Variants in CEP112 observed in about 807,000 individuals in gnomAD.
CEP112 encodes centrosomal protein of 112 kDa.
CEP112 carries 127 observed loss-of-function variants against 153.0 expected under a neutral mutation model. The ratio of observed to expected loss-of-function variants is 0.83; its 90% CI spans 0.72 to 0.96. The LOEUF is 0.96. Among genes scored for constraint, CEP112 ranks in the 40% least tolerant of loss-of-function variants. CEP112 has a pLI of 0.00. For missense variants in CEP112, 1,089 were observed against 1,101.2 expected, an observed-to-expected ratio of 0.99 and a Z score of 0.16; for synonymous variants, 358 against 374.4, an observed-to-expected ratio of 0.96 and a Z score of 0.51.
intron 8 of CEP112, among the ~76,000 whole-genome samples, chr17:66,085,979 C>CAA (rs373315539): frequency 0.013 from 1,385 of 108,972 alleles, 53 homozygotes; most frequent in African/African-American, 0.022. Context: ...GACTCCGTCT[C>CAA]AAAAAAAAAA....
intron 4 of CEP112, among the ~76,000 whole-genome samples, chr17:66,174,252 T>C (rs919959897): frequency 6.6e-6 from 1 of 152,180 alleles, no homozygotes; most frequent in African/African-American, 2.4e-5. Context: ...GACCATAATA[T>C]CTCAGGTCTG....
intron 12 of CEP112, among the ~76,000 whole-genome samples, chr17:66,045,849 T>C (rs1437213967): frequency 6.6e-6 from 1 of 151,980 alleles, no homozygotes; most frequent in East Asian, 2.0e-4. Flanking sequence ...ACTCTTTTAG[T>C]AGATCCACAA....
At chr17:66,038,110 A>G (rs201304196) in intron 12 of CEP112, among the ~76,000 whole-genome samples, 5 of 120,650 alleles carry the variant, frequency 4.1e-5, no homozygotes, top group Admixed American at 8.1e-5. Context: ...CAAAAAAAAA[A>G]AAAAGAAAAG....
At chr17:66,082,625 T>C (rs952213563) in intron 8 of CEP112, among the ~76,000 whole-genome samples, 1 of 152,028 alleles carries the variant, frequency 6.6e-6, no homozygotes, top group Non-Finnish European at 1.5e-5. Flanking sequence ...TAGCCAGATG[T>C]CATGGCGTGT....
chr17:66,176,216 A>T (rs545333458), intron 3 of CEP112, among the ~76,000 whole-genome samples: 28 of 152,334 alleles, frequency 1.8e-4, no homozygotes, highest in Middle Eastern at 3.4e-3. Flanking sequence ...AAAGCTACCA[A>T]TACCTAGTAC....
chr17:65,871,734 C>G (rs544561367), intron 20 of CEP112, among the ~76,000 whole-genome samples: 1 of 152,348 alleles, frequency 6.6e-6, no homozygotes, highest in Non-Finnish European at 1.5e-5. Flanking sequence ...ATCTCCAGGA[C>G]AGCAACATAG....
chr17:65,656,569 A>G (rs1037412602), intron 24 of CEP112, among the ~76,000 whole-genome samples: 2 of 152,246 alleles, frequency 1.3e-5, no homozygotes, highest in Non-Finnish European at 2.9e-5. Flanking sequence ...GAACACAGCC[A>G]TGCTCATTTG....
intron 20 of CEP112, among the ~76,000 whole-genome samples, chr17:65,861,838 C>T (rs926330158): frequency 6.6e-6 from 1 of 152,170 alleles, no homozygotes; most frequent in Admixed American, 6.5e-5. Flanking sequence ...CTTGGCACTA[C>T]CTCGGAAAGT....
At chr17:66,163,398 G>T (rs2071796883) in intron 4 of CEP112, among the ~76,000 whole-genome samples, 1 of 152,028 alleles carries the variant, frequency 6.6e-6, no homozygotes, top group African/African-American at 2.4e-5. Flanking sequence ...CTGCAGAACA[G>T]TCTTCTTTGG....
chr17:65,905,490 A>G (rs1179565319), intron 19 of CEP112, among the ~76,000 whole-genome samples: 1 of 152,242 alleles, frequency 6.6e-6, no homozygotes, highest in Non-Finnish European at 1.5e-5. Context: ...GAACACTTTT[A>G]CACTATTGGT....
intron 4 of CEP112, among the ~76,000 whole-genome samples, chr17:66,159,635 C>T (rs1454922247): frequency 6.6e-6 from 1 of 152,000 alleles, no homozygotes; most frequent in East Asian, 1.9e-4. Flanking sequence ...AAAAGGCCTT[C>T]AATAAAAATT....
chr17:65,660,331 TTTC>T (rs1402799670), intron 24 of CEP112, among the ~76,000 whole-genome samples: 994 of 96,730 alleles, frequency 0.01, 17 homozygotes, highest in Non-Finnish European at 0.013. Flanking sequence ...TTTCTTTCTC[TTTC>T]TTTCTTTTTC....
intron 5 of CEP112, among the ~76,000 whole-genome samples, chr17:66,130,647 G>A (rs2070105172): frequency 6.6e-6 from 1 of 151,866 alleles, no homozygotes; most frequent in Non-Finnish European, 1.5e-5. Flanking sequence ...GTGGTGGTGG[G>A]CACCTGTAAT....
At chr17:66,024,709 T>G (rs939111096) in intron 16 of CEP112, among the ~76,000 whole-genome samples, 19 of 152,130 alleles carry the variant, frequency 1.2e-4, no homozygotes, top group Admixed American at 6.5e-4. Context: ...ATTGTTAAAA[T>G]GACCATACTG....
At chr17:65,638,213 T>C (rs187153670) in intron 25 of CEP112, among the ~76,000 whole-genome samples, 21 of 152,310 alleles carry the variant, frequency 1.4e-4, no homozygotes, top group Admixed American at 1.2e-3. Flanking sequence ...AATCAGACCT[T>C]TACAAAGCAT....
rs1469594965 is a variant in CEP112 at position 66,028,379 on chromosome 17, C to T, written c.1530G>A (p.Glu510=). 1.1e-5 allele frequency: 18 copies of T among 1,595,810 alleles called. No homozygotes were observed. The highest frequency in any genetic ancestry group is 1.5e-5 in the Non-Finnish European group (17 of 1,169,694). The change falls in exon 15 of 27, where the codon GAG becomes GAA. Residue 510 remains glutamate, a synonymous_variant. Coordinates refer to ENST00000535342, the MANE Select transcript of CEP112 (RefSeq NM_001199165.4). ...SKASSMIEEL[E]QNVCQLKQQL... is the part of the protein sequence containing the mutation. ...GCTGTTTTAATTGACAGACATTCTG[C>T]TCTAATTCTTCAATCATACTAGATG...
chr17:65,873,381 G>T (rs546433038), intron 20 of CEP112: 1 of 152,142 alleles, frequency 6.6e-6, no homozygotes, highest in African/African-American at 2.4e-5. Context: ...TTAACTACCT[G>T]GACTCTTGAA....
chr17:65,666,373 T>C (rs1446984045), intron 24 of CEP112, among the ~76,000 whole-genome samples: 1 of 152,100 alleles, frequency 6.6e-6, no homozygotes, highest in East Asian at 1.9e-4. Flanking sequence ...GTCTACCTCA[T>C]GGGACACCCA....
In CEP112 at chr17:66,033,047, G is replaced by A. The variant is rs1289100409; in HGVS notation, c.1219-3024C>T. Among the ~76,000 whole-genome samples, 3 of 108,642 alleles carry A rather than the reference G, an allele frequency of 2.8e-5. No homozygotes were observed. In the East Asian group the frequency reaches 5.9e-4, roughly 21 times the overall value. 71.3% of individuals were successfully genotyped at this position (108,642 alleles called of 152,430 possible). On this transcript the variant is annotated intron_variant, in intron 12 of 26. Coordinates refer to ENST00000535342, the MANE Select transcript of CEP112 (RefSeq NM_001199165.4). ...AAAAAGAAGCAAGAAAGATTATGCT[G>A]AATGAAAAAAATCACACAAACCATT...
Sources: allele counts gnomAD v4.1 joint callset (sites outside exome capture counted in the v4.1 genomes callset), GRCh38; gene constraint gnomAD v4.1.1; transcripts MANE v1.5; gene names NCBI Gene and HGNC (gene_info 2026-07-23, HGNC 2026-07-21).